Variants in EXOC6B observed in about 807,000 individuals in gnomAD.
EXOC6B encodes exocyst complex component 6B, also known as SEC15 homolog B.
EXOC6B carries 54 observed loss-of-function variants against 113.5 expected under a neutral mutation model. The observed-to-expected ratio is 0.48, with a 90% CI of 0.38 to 0.60. The LOEUF (loss-of-function observed/expected upper bound fraction) is 0.60. EXOC6B is among the 20% of genes least tolerant of loss of function. EXOC6B has a pLI of 0.00. For missense variants in EXOC6B, 797 were observed against 977.5 expected, an observed-to-expected ratio of 0.82 and a Z score of 2.46; for synonymous variants, 357 against 339.0, an observed-to-expected ratio of 1.05 and a Z score of -0.58.
chr2:72,235,253 T>C (rs1681884953), intron 20 of EXOC6B, among the ~76,000 whole-genome samples: 1 of 152,092 alleles, frequency 6.6e-6, no homozygotes, highest in African/African-American at 2.4e-5. Flanking sequence ...TTCAGAAACA[T>C]GGATGGAGCT....
chr2:72,688,466 T>C (rs1677242733), intron 6 of EXOC6B, among the ~76,000 whole-genome samples: 1 of 151,624 alleles, frequency 6.6e-6, no homozygotes, highest in East Asian at 1.9e-4. Context: ...TCCTCCTTCC[T>C]GGTGGGCAAG....
At chr2:72,474,715 G>A (rs185805092) in intron 17 of EXOC6B, among the ~76,000 whole-genome samples, 22 of 152,010 alleles carry the variant, frequency 1.4e-4, no homozygotes, top group Admixed American at 5.9e-4. Flanking sequence ...CTCACTGAGC[G>A]TCTTTAGAAT....
rs1165577913 is a variant in EXOC6B, at chr2:72,412,706, CTAAA to C, written c.1981-32840_1981-32837del. Among the ~76,000 whole-genome samples, 6 of 152,040 alleles carry C rather than the reference CTAAA, an allele frequency of 3.9e-5. No homozygotes were observed. The East Asian group carries it at 7.7e-4, about 20-fold the overall frequency. On this transcript the variant is annotated intron_variant, in intron 18 of 21. Coordinates refer to ENST00000272427, the MANE Select transcript of EXOC6B (RefSeq NM_015189.3). ...TAAGTTATCTCTTTTTTTCCCTAGGCTAAATAAATAAAATGTCTTTCACATATCT... is the reference window on the plus strand; with the variant it reads ...TAAGTTATCTCTTTTTTTCCCTAGGCTAAATAAAATGTCTTTCACATATCT...
intron 20 of EXOC6B, among the ~76,000 whole-genome samples, chr2:72,208,504 G>T (rs1413730244): frequency 6.6e-6 from 1 of 152,142 alleles, no homozygotes; most frequent in East Asian, 1.9e-4. Context: ...CACCTAGGAT[G>T]ATTCCATGTC....
chr2:72,357,627 G>GT (rs1690046416), intron 19 of EXOC6B, among the ~76,000 whole-genome samples: 1 of 151,986 alleles, frequency 6.6e-6, no homozygotes, highest in African/African-American at 2.4e-5. Flanking sequence ...GAAGGCAGAG[G>GT]TTGCAGTGAG....
intron 20 of EXOC6B, among the ~76,000 whole-genome samples, chr2:72,186,929 C>A (rs954795202): frequency 6.6e-6 from 1 of 152,150 alleles, no homozygotes; most frequent in Non-Finnish European, 1.5e-5. Flanking sequence ...TTTGCTCTGG[C>A]CCACTGGGTT....
intron 18 of EXOC6B, among the ~76,000 whole-genome samples, chr2:72,397,281 C>T (rs915961911): frequency 6.6e-6 from 1 of 152,084 alleles, no homozygotes; most frequent in Non-Finnish European, 1.5e-5. Flanking sequence ...CCCTGATATT[C>T]CTCAGTCTCT....
chr2:72,715,116 A>C (rs1679522959), intron 6 of EXOC6B, among the ~76,000 whole-genome samples: 1 of 151,882 alleles, frequency 6.6e-6, no homozygotes, highest in East Asian at 1.9e-4. Flanking sequence ...AATACAGAAA[A>C]CTAGGGAGGC....
intron 20 of EXOC6B, among the ~76,000 whole-genome samples, chr2:72,268,830 C>T (rs969252060): frequency 1.8e-4 from 27 of 152,276 alleles, no homozygotes; most frequent in African/African-American, 6.5e-4. Context: ...CTTCACCTTC[C>T]ACCATGGTTG....
chr2:72,441,731 G>A (rs530697339), intron 18 of EXOC6B, among the ~76,000 whole-genome samples: 33 of 152,226 alleles, frequency 2.2e-4, no homozygotes, highest in Non-Finnish European at 4.1e-4. Context: ...AATGAGTACT[G>A]AAATTGAGTA....
chr2:72,403,669 A>G (rs1328578922), intron 18 of EXOC6B, among the ~76,000 whole-genome samples: 1 of 152,170 alleles, frequency 6.6e-6, no homozygotes, highest in East Asian at 1.9e-4. Context: ...ACTGCCCACT[A>G]CAGTCCAGCC....
intron 6 of EXOC6B, among the ~76,000 whole-genome samples, chr2:72,621,195 C>T (rs1303724933): frequency 6.6e-6 from 1 of 152,122 alleles, no homozygotes; most frequent in Non-Finnish European, 1.5e-5. Flanking sequence ...CCAAAAGACA[C>T]ATGCACCCAT....
At chr2:72,193,532 T>C (rs1202870092) in intron 20 of EXOC6B, among the ~76,000 whole-genome samples, 3 of 152,240 alleles carry the variant, frequency 2.0e-5, no homozygotes, top group Non-Finnish European at 4.4e-5. Context: ...TTCTAGGTAC[T>C]GCATATGAAA....
intron 6 of EXOC6B, among the ~76,000 whole-genome samples, chr2:72,608,786 T>C (rs974816405): frequency 1.3e-5 from 2 of 151,832 alleles, no homozygotes. Flanking sequence ...GCAGAAGAGA[T>C]GTGGATGGGG....
intron 20 of EXOC6B, among the ~76,000 whole-genome samples, chr2:72,214,480 G>A (rs1396602145): frequency 3.3e-5 from 4 of 121,880 alleles, no homozygotes; most frequent in African/African-American, 1.2e-4. Context: ...GACTGAGTGA[G>A]ACTTGTCAAA....
At chr2:72,252,904 A>G (rs1265419779) in intron 20 of EXOC6B, among the ~76,000 whole-genome samples, 1 of 152,186 alleles carries the variant, frequency 6.6e-6, no homozygotes, top group Non-Finnish European at 1.5e-5. Flanking sequence ...ACAATACTGG[A>G]AAAGAGCTTT....
intron 8 of EXOC6B, among the ~76,000 whole-genome samples, chr2:72,545,700 G>A (rs1702858866): frequency 6.6e-6 from 1 of 152,144 alleles, no homozygotes; most frequent in South Asian, 2.1e-4. Flanking sequence ...AATCCAAGAT[G>A]CTATTATGTT....
chr2:72,229,758 T>C lies in EXOC6B; in HGVS notation c.2197-45571A>G, dbSNP rs575736632. 3.3e-5 allele frequency among the ~76,000 whole-genome samples: 5 copies of C among 152,326 alleles called. No individual in the cohort carries two copies. The East Asian group carries it at 5.8e-4, about 18-fold the overall frequency. On this transcript the variant is annotated intron_variant, in intron 20 of 21. Transcript: ENST00000272427. ...AATGAAGATTCAAATCGGTAAATGATAGCATATTAACTCAAAATATTTTTT... is the reference window on the plus strand; with the variant it reads ...AATGAAGATTCAAATCGGTAAATGACAGCATATTAACTCAAAATATTTTTT...
intron 20 of EXOC6B, among the ~76,000 whole-genome samples, chr2:72,322,472 T>A (rs137926293): frequency 1.3e-5 from 2 of 152,176 alleles, no homozygotes; most frequent in Non-Finnish European, 2.9e-5. Flanking sequence ...TTTGGCATGA[T>A]AGAAATGTTC....
Sources: allele counts gnomAD v4.1 joint callset (sites outside exome capture counted in the v4.1 genomes callset), GRCh38; gene constraint gnomAD v4.1.1; transcripts MANE v1.5; gene names NCBI Gene and HGNC (gene_info 2026-07-23, HGNC 2026-07-21).